Variants in ARID1B observed in about 807,000 individuals in gnomAD.
ARID1B encodes the protein AT-rich interaction domain 1B, also known as AT-rich interactive domain-containing protein 1B.
A neutral mutation model predicts 212.3 loss-of-function variants in ARID1B; 30 were observed. The observed-to-expected ratio is 0.14, with a 90% CI of 0.11 to 0.19. The LOEUF is 0.19. ARID1B is among the 10% of genes least tolerant of loss of function. ARID1B has a pLI of 1.00. For missense variants in ARID1B, 2,891 were observed against 3,204.0 expected, an observed-to-expected ratio of 0.90 and a Z score of 2.36; for synonymous variants, 1,402 against 1,301.7, an observed-to-expected ratio of 1.08 and a Z score of -1.66.
rs1285928004 is a variant in ARID1B, at chr6:157,101,434, C to T, written c.2492-9038C>T. Among the ~76,000 whole-genome samples, 3 of 152,136 alleles carry T rather than the reference C, an allele frequency of 2.0e-5. No individual in the cohort carries two copies. The East Asian group carries it at 5.8e-4, about 29-fold the overall frequency. The stretch of plus-strand genomic sequence containing the variant: ...AAGAATAGGTCTGTCTTACCCTTGC[C>T]ACTGTCACAGAGTTTATGAAGAGGG... On this transcript the variant is annotated intron_variant, in intron 5 of 19. Transcript: ENST00000636930.
intron 2 of ARID1B, among the ~76,000 whole-genome samples, chr6:156,897,602 A>G (rs1435186338): frequency 6.6e-6 from 1 of 151,418 alleles, no homozygotes; most frequent in Non-Finnish European, 1.5e-5. Flanking sequence ...AACAAATGGA[A>G]ATGTTCTGAT....
At chr6:156,966,150 G>A (rs552213551) in intron 4 of ARID1B, among the ~76,000 whole-genome samples, 1 of 152,254 alleles carries the variant, frequency 6.6e-6, no homozygotes, top group African/African-American at 2.4e-5. Context: ...CAGGCCCACA[G>A]CCAAACAAAT....
At chr6:156,836,929 G>T (rs1369200302) in intron 2 of ARID1B, among the ~76,000 whole-genome samples, 1 of 152,206 alleles carries the variant, frequency 6.6e-6, no homozygotes, top group Non-Finnish European at 1.5e-5. Context: ...CCTCCAAAGT[G>T]CTAGGATTAC....
chr6:156,784,224 G>A (rs2115083902), intron 1 of ARID1B, among the ~76,000 whole-genome samples: 1 of 152,216 alleles, frequency 6.6e-6, no homozygotes, highest in South Asian at 2.1e-4. Flanking sequence ...CTGTGGATAT[G>A]TAAAGTAGTG....
intron 4 of ARID1B, among the ~76,000 whole-genome samples, chr6:157,002,314 AGTTATCTTTAT>A (rs1327658278): frequency 6.6e-5 from 10 of 152,146 alleles, no homozygotes; most frequent in Non-Finnish European, 1.3e-4. Flanking sequence ...TTTCTCCCAA[AGTTATCTTTAT>A]GTTATCTTTA....
intron 4 of ARID1B, chr6:157,023,132 A>C (rs1780433594): frequency 6.6e-6 from 1 of 152,134 alleles, no homozygotes; most frequent in African/African-American, 2.4e-5. Flanking sequence ...AATTAAGTTG[A>C]ATTTATTATT....
In ARID1B at chr6:156,960,106, T is replaced by G. The variant is rs1347174087; in HGVS notation, c.2247+24530T>G. Among the ~76,000 whole-genome samples the G allele has an allele frequency of 2.0e-5, 3 of 152,052 alleles. No homozygotes were observed. In the East Asian group the frequency reaches 5.8e-4, roughly 29 times the overall value. On this transcript the variant is annotated intron_variant, in intron 4 of 19. Coordinates refer to ENST00000636930, the MANE Select transcript of ARID1B (RefSeq NM_001374828.1). ...CCACCATGCCCAGCTAATTTTTGTATTTTTAGTAGAGACGGGGTTTCACCG... is the reference window on the plus strand; with the variant it reads ...CCACCATGCCCAGCTAATTTTTGTAGTTTTAGTAGAGACGGGGTTTCACCG...
intron 5 of ARID1B, among the ~76,000 whole-genome samples, chr6:157,106,933 A>G (rs960278601): frequency 1.3e-5 from 2 of 152,238 alleles, no homozygotes; most frequent in Non-Finnish European, 2.9e-5. Context: ...AATAAATGTA[A>G]ACAAGATCTT....
At chr6:156,939,856 T>G (rs1331606265) in intron 4 of ARID1B, 1 of 152,180 alleles carries the variant, frequency 6.6e-6, no homozygotes, top group African/African-American at 2.4e-5. Context: ...AAAAATTAAT[T>G]GACAGAAATG....
chr6:157,027,374 T>G (rs1011192732), intron 4 of ARID1B, among the ~76,000 whole-genome samples: 2 of 152,244 alleles, frequency 1.3e-5, no homozygotes, highest in African/African-American at 4.8e-5. Flanking sequence ...TTTGAAAGGT[T>G]TTAAATATGC....
intron 4 of ARID1B, among the ~76,000 whole-genome samples, chr6:157,058,878 T>C (rs1358059640): frequency 6.6e-6 from 1 of 152,132 alleles, no homozygotes; most frequent in Admixed American, 6.5e-5. Context: ...TGATCAGGCA[T>C]TGAAGGAGAT....
chr6:157,097,817 C>T (rs535532699), intron 5 of ARID1B, among the ~76,000 whole-genome samples: 317 of 152,264 alleles, frequency 2.1e-3, no homozygotes, highest in Middle Eastern at 0.014. Context: ...TTTTTCTTCT[C>T]CCCTTTGTGT....
chr6:157,180,508 G>A (rs963551929), intron 11 of ARID1B, among the ~76,000 whole-genome samples: 6 of 152,078 alleles, frequency 3.9e-5, no homozygotes, highest in African/African-American at 1.2e-4. Context: ...GCATTTTAAC[G>A]AAGACACCCT....
intron 1 of ARID1B, among the ~76,000 whole-genome samples, chr6:156,783,296 C>T (rs988719197): frequency 1.3e-5 from 2 of 150,782 alleles, no homozygotes; most frequent in African/African-American, 4.9e-5. Flanking sequence ...TTTTCCTTTA[C>T]TGAAATTGAA....
intron 4 of ARID1B, among the ~76,000 whole-genome samples, chr6:156,961,622 G>A (rs1211456536): frequency 6.6e-6 from 1 of 152,156 alleles, no homozygotes. Flanking sequence ...TAGCAGTACT[G>A]GGAGTATTTG....
In ARID1B at chr6:157,174,336, G is replaced by T. The variant is rs577154987; in HGVS notation, c.3345+219G>T. 11 of 474,292 alleles carry T rather than the reference G, an allele frequency of 2.3e-5. 1 individual carries two copies. In the South Asian group the frequency reaches 3.4e-4, roughly 14 times the overall value. The allele number at this position is 474,292 out of a possible 1,614,324, so 29.4% of individuals were successfully genotyped here. Reference sequence around the variant, plus strand: ...TTCTTATGGCATTAACTCACGGTTGGGGGAGAGGGGTGGAGGGACAAGACC... The same window carrying T: ...TTCTTATGGCATTAACTCACGGTTGTGGGAGAGGGGTGGAGGGACAAGACC... On this transcript the variant is annotated intron_variant, in intron 10 of 19. Transcript: ENST00000636930.
chr6:156,781,975 C>CTT (rs57443841), intron 1 of ARID1B, among the ~76,000 whole-genome samples: 793 of 39,188 alleles, frequency 0.02, 259 homozygotes, highest in Non-Finnish European at 0.032. Flanking sequence ...TGGGAATAGG[C>CTT]TTTTTTTTTT....
intron 4 of ARID1B, among the ~76,000 whole-genome samples, chr6:157,001,220 A>G (rs2128428205): frequency 6.6e-6 from 1 of 152,292 alleles, no homozygotes; most frequent in Middle Eastern, 3.4e-3. Flanking sequence ...ATTTTCGAAG[A>G]TATCTTTGCC....
intron 4 of ARID1B, among the ~76,000 whole-genome samples, chr6:157,083,370 CGGTCAGT>C (rs1389784397): frequency 2.0e-5 from 3 of 152,312 alleles, no homozygotes; most frequent in African/African-American, 7.2e-5. Context: ...GCACATTGCT[CGGTCAGT>C]GATCTGGGAG....
Sources: allele counts gnomAD v4.1 joint callset (sites outside exome capture counted in the v4.1 genomes callset), GRCh38; gene constraint gnomAD v4.1.1; transcripts MANE v1.5; gene names NCBI Gene and HGNC (gene_info 2026-07-23, HGNC 2026-07-21).